Variants in ZNF423 observed in about 807,000 individuals in gnomAD.
ZNF423 encodes the protein zinc finger protein 423.
ZNF423 carries 12 observed loss-of-function variants against 95.8 expected under a neutral mutation model. That is an observed-to-expected ratio of 0.13 (90% confidence interval 0.08 to 0.20). The LOEUF (loss-of-function observed/expected upper bound fraction) is 0.20. Among genes scored for constraint, ZNF423 ranks in the 10% least tolerant of loss-of-function variants. The probability of loss-of-function intolerance (pLI) is 1.00; values close to 1 mark genes in which losing one functional copy is unlikely to be tolerated. For missense variants in ZNF423, 1,316 were observed against 1,737.1 expected, an observed-to-expected ratio of 0.76 and a Z score of 4.31; for synonymous variants, 749 against 711.9, an observed-to-expected ratio of 1.05 and a Z score of -0.83.
rs929250102 is a variant in ZNF423 at position 49,837,118 on chromosome 16, C to T, written c.40+18617G>A. On this transcript the variant is annotated intron_variant, in intron 1 of 7. Coordinates refer to ENST00000563137, the MANE Select transcript of ZNF423 (RefSeq NM_001379286.1). ...CAGTGTGCAAAGCCAGGCTGAGGGA[C>T]GTGGGTGACAGTGATGGAGCATCTC... is the stretch of plus-strand genomic sequence containing the variant. Among the ~76,000 whole-genome samples, 6 of 152,110 alleles carry T rather than the reference C, an allele frequency of 3.9e-5. No homozygotes were observed. In the South Asian group the frequency reaches 6.2e-4, roughly 16 times the overall value.
intron 1 of ZNF423, chr16:49,847,370 A>C (rs28708762): frequency 1.3e-5 from 2 of 152,332 alleles, no homozygotes; most frequent in East Asian, 1.9e-4. Context: ...AGGGGCCACA[A>C]GGGATCTGCC....
At chr16:49,552,520 A>C (rs1357690473) in intron 5 of ZNF423, among the ~76,000 whole-genome samples, 1 of 152,132 alleles carries the variant, frequency 6.6e-6, no homozygotes, top group African/African-American at 2.4e-5. Context: ...ATTGTGTCAG[A>C]GATTGGAGAT....
intron 3 of ZNF423, among the ~76,000 whole-genome samples, chr16:49,726,443 T>C (rs150738459): frequency 1.3e-5 from 2 of 152,272 alleles, no homozygotes; most frequent in African/African-American, 4.8e-5. Flanking sequence ...AGAGAAACTT[T>C]CTAAAGCAGT....
chr16:49,699,097 C>T (rs910048965), intron 3 of ZNF423, among the ~76,000 whole-genome samples: 1 of 152,214 alleles, frequency 6.6e-6, no homozygotes, highest in African/African-American at 2.4e-5. Context: ...ACACAATCAC[C>T]TCCTCTGCCA....
chr16:49,763,910 T>A (rs1446068974), intron 2 of ZNF423, among the ~76,000 whole-genome samples: 1 of 152,138 alleles, frequency 6.6e-6, no homozygotes, highest in Non-Finnish European at 1.5e-5. Flanking sequence ...AGCATTTCCA[T>A]CACCATGTCT....
chr16:49,651,044 A>T (rs1316708571), intron 3 of ZNF423, among the ~76,000 whole-genome samples: 3 of 151,434 alleles, frequency 2.0e-5, no homozygotes, highest in African/African-American at 7.3e-5. Context: ...TCTTAGAGAC[A>T]GGGTCTCCCT....
intron 5 of ZNF423, among the ~76,000 whole-genome samples, chr16:49,544,933 C>T (rs1018458168): frequency 6.6e-6 from 1 of 152,278 alleles, no homozygotes; most frequent in South Asian, 2.1e-4. Flanking sequence ...TCTGACCTCA[C>T]AGTGTGACCA....
chr16:49,770,573 G>C (rs547682962), intron 2 of ZNF423, among the ~76,000 whole-genome samples: 142 of 151,860 alleles, frequency 9.4e-4, no homozygotes, highest in Non-Finnish European at 1.7e-3. Flanking sequence ...GAAAGGACAG[G>C]CCCCCCCAGA....
chr16:49,677,297 A>AGAAGAGAAGAGAAGAGAAGGGAAGG (rs2031127891), intron 3 of ZNF423, among the ~76,000 whole-genome samples: 1 of 78,270 alleles, frequency 1.3e-5, no homozygotes, highest in Non-Finnish European at 2.6e-5. Context: ...AGAAGAGAAG[A>AGAAGAGAAGAGAAGAGAAGGGAAGG]GAAGAGAAGA....
chr16:49,511,667 C>T (rs1360530367), intron 7 of ZNF423, among the ~76,000 whole-genome samples: 1 of 152,204 alleles, frequency 6.6e-6, no homozygotes, highest in Non-Finnish European at 1.5e-5. Context: ...AGTGTCCACC[C>T]CAGACTTCTC....
intron 3 of ZNF423, among the ~76,000 whole-genome samples, chr16:49,656,674 G>A (rs531307310): frequency 1.3e-5 from 2 of 152,214 alleles, no homozygotes; most frequent in East Asian, 3.9e-4. Flanking sequence ...ATTATACTTT[G>A]TATTCTATAT....
chr16:49,833,024 T>C (rs1567364354), intron 1 of ZNF423, among the ~76,000 whole-genome samples: 1 of 152,208 alleles, frequency 6.6e-6, no homozygotes, highest in Non-Finnish European at 1.5e-5. Context: ...TTCGCAGCCT[T>C]CATCTAAAAG....
chr16:49,709,169 T>TTTATATATAA (rs1555475499), intron 3 of ZNF423, among the ~76,000 whole-genome samples: 1 of 94,580 alleles, frequency 1.1e-5, no homozygotes, highest in African/African-American at 4.3e-5. Context: ...AGCAGCCGTT[T>TTTATATATAA]ATATATATAT....
rs1972217348 is a variant in ZNF423, at chr16:49,625,223, G to T, written c.3601+947C>A. Among the ~76,000 whole-genome samples the T allele has an allele frequency of 2.0e-5, 3 of 152,326 alleles. No individual in the cohort carries two copies. In the South Asian group the frequency reaches 6.2e-4, roughly 32 times the overall value. The stretch of plus-strand genomic sequence containing the variant: ...GAAAAATTAGCCAGGCGCAGTGGCA[G>T]GTGCCTGTAATCCCAGCTACTTGGG... On this transcript the variant is annotated intron_variant, in intron 5 of 7. Transcript: ENST00000563137.
upstream of ZNF423, chr16:49,858,024 C>G (rs894595106): frequency 6.6e-6 from 1 of 152,220 alleles, no homozygotes; most frequent in Non-Finnish European, 1.5e-5. The surrounding 1 kb of genome is among the most constrained non-coding windows in gnomAD (Gnocchi z 4.3). Flanking sequence ...ACCTCGCCCC[C>G]CTCCCGGGTG....
chr16:49,786,995 G>T (rs1313587545), intron 2 of ZNF423, among the ~76,000 whole-genome samples: 7 of 152,216 alleles, frequency 4.6e-5, no homozygotes, highest in African/African-American at 1.7e-4. Flanking sequence ...AGCCCACAGA[G>T]AAATTATGGA....
chr16:49,608,793 G>C, intron 5 of ZNF423, among the ~76,000 whole-genome samples: 1 of 152,158 alleles, frequency 6.6e-6, no homozygotes, highest in Non-Finnish European at 1.5e-5. Context: ...CTCTGCTCCA[G>C]GCAAACCCCA....
At position 49,783,922 on chromosome 16, in the gene ZNF423, A is replaced by G. The variant is rs148554677; in HGVS notation, c.100+5565T>C. Among the ~76,000 whole-genome samples the G allele has an allele frequency of 4.4e-3, 659 of 150,732 alleles. 5 individuals carry two copies. The highest frequency in any genetic ancestry group is 7.2e-3 in the South Asian group (34 of 4,730). ...GAGGTGGAGGTTGCAGTGAGCCAAGATGGTGCCACTACACTCCAGCCTGGC... is the reference window on the plus strand; with the variant it reads ...GAGGTGGAGGTTGCAGTGAGCCAAGGTGGTGCCACTACACTCCAGCCTGGC... On this transcript the variant is annotated intron_variant, in intron 2 of 7. Coordinates refer to ENST00000563137, the MANE Select transcript of ZNF423 (RefSeq NM_001379286.1).
intron 5 of ZNF423, among the ~76,000 whole-genome samples, chr16:49,576,556 A>G (rs1970508042): frequency 6.6e-6 from 1 of 152,236 alleles, no homozygotes; most frequent in Non-Finnish European, 1.5e-5. Flanking sequence ...AGGCCACTGC[A>G]GTCCGTAGCT....
Sources: allele counts gnomAD v4.1 joint callset (sites outside exome capture counted in the v4.1 genomes callset), GRCh38; gene constraint gnomAD v4.1.1; non-coding constraint Gnocchi (gnomAD v3.1); transcripts MANE v1.5; gene names NCBI Gene and HGNC (gene_info 2026-07-23, HGNC 2026-07-21).